The following NTN1 variants were observed in gnomAD, a reference collection of about 807,000 sequenced individuals.
The protein encoded by NTN1 is netrin 1, also known as netrin-1.
A neutral mutation model predicts 54.2 loss-of-function variants in NTN1; 11 were observed. That is an observed-to-expected ratio of 0.20 (90% CI 0.13 to 0.34). The LOEUF (loss-of-function observed/expected upper bound fraction) is 0.34, where lower values mean the gene tolerates loss of function less well. NTN1 is among the 10% of genes least tolerant of loss of function. The pLI is 1.00. For synonymous variants in NTN1, 371 were observed against 382.0 expected (o/e 0.97, Z 0.33); for missense variants, 740 against 893.1 (o/e 0.83, Z 2.18).
chr17:9,175,599 T>C (rs1171216712), intron 3 of NTN1: 1 of 152,216 alleles, frequency 6.6e-6, no homozygotes, highest in Non-Finnish European at 1.5e-5. Context: ...TCCTTACAGG[T>C]GAGCCACCGG....
chr17:9,217,663 C>G (rs1905243629), intron 5 of NTN1, among the ~76,000 whole-genome samples: 1 of 151,940 alleles, frequency 6.6e-6, no homozygotes, highest in African/African-American at 2.4e-5. Flanking sequence ...TGTCCATGTT[C>G]TGAAGGTTAT....
chr17:9,110,416 C>T (rs1253017544), intron 2 of NTN1, among the ~76,000 whole-genome samples: 1 of 152,064 alleles, frequency 6.6e-6, no homozygotes. Flanking sequence ...ATTACAGGCA[C>T]CTGCCACCAT....
chr17:9,151,589 C>A (rs73976416), intron 2 of NTN1, among the ~76,000 whole-genome samples: 4,974 of 152,202 alleles, frequency 0.033, 271 homozygotes, highest in African/African-American at 0.11. Flanking sequence ...GGAGGGTGGA[C>A]AGAAATTCTG....
chr17:9,030,966 C>T (rs2091886762), intron 2 of NTN1, among the ~76,000 whole-genome samples: 1 of 152,162 alleles, frequency 6.6e-6, no homozygotes, highest in Non-Finnish European at 1.5e-5. Context: ...AAGGTCTCAG[C>T]TCGCTGCACA....
chr17:9,088,214 T>A (rs932933929), intron 2 of NTN1, among the ~76,000 whole-genome samples: 2 of 152,248 alleles, frequency 1.3e-5, no homozygotes, highest in Non-Finnish European at 2.9e-5. Flanking sequence ...GAGGGACTTC[T>A]GTGGGTGCCC....
At chr17:9,232,452 G>A (rs57889328) in intron 6 of NTN1, among the ~76,000 whole-genome samples, 11,649 of 150,902 alleles carry the variant, frequency 0.077, 1,335 homozygotes, top group African/African-American at 0.24. Flanking sequence ...TGGCTCTCTA[G>A]GACCTCCAGG....
At chr17:9,036,051 G>T (rs963522268) in intron 2 of NTN1, among the ~76,000 whole-genome samples, 1 of 152,040 alleles carries the variant, frequency 6.6e-6, no homozygotes, top group Non-Finnish European at 1.5e-5. Flanking sequence ...GTAGAGACGG[G>T]GGTCTCACTA....
At chr17:9,191,379 G>C (rs1181709905) in intron 5 of NTN1, among the ~76,000 whole-genome samples, 1 of 152,212 alleles carries the variant, frequency 6.6e-6, no homozygotes, top group East Asian at 1.9e-4. Flanking sequence ...AGAATCGCTT[G>C]AACCTGGGAG....
chr17:9,134,629 T>C (rs2092275566), intron 2 of NTN1, among the ~76,000 whole-genome samples: 1 of 152,212 alleles, frequency 6.6e-6, no homozygotes, highest in African/African-American at 2.4e-5. Flanking sequence ...ACCATGAGAA[T>C]AGACAGTCTT....
intron 2 of NTN1, among the ~76,000 whole-genome samples, chr17:9,111,225 T>C (rs1410762749): frequency 1.3e-5 from 2 of 152,150 alleles, no homozygotes; most frequent in Non-Finnish European, 2.9e-5. Flanking sequence ...CGTGAGCCAC[T>C]GCGCCCTGCC....
chr17:9,005,997 C>T, the NTN1 span, among the ~76,000 whole-genome samples: 59 of 152,326 alleles, frequency 3.9e-4, no homozygotes, highest in African/African-American at 1.4e-3. Context: ...ACAGAGCAGC[C>T]GGCCATAGGG....
chr17:9,074,658 C>T (rs895503138), intron 2 of NTN1, among the ~76,000 whole-genome samples: 1 of 152,204 alleles, frequency 6.6e-6, no homozygotes, highest in African/African-American at 2.4e-5. Context: ...CTTTTACCAG[C>T]CCCGTGGGGA....
At chr17:9,173,328 C>G in intron 3 of NTN1, 1 of 152,268 alleles carries the variant, frequency 6.6e-6, no homozygotes, top group East Asian at 1.9e-4. Flanking sequence ...CACCTCTGTC[C>G]CTGACATCAT....
intron 6 of NTN1, among the ~76,000 whole-genome samples, chr17:9,234,152 C>T (rs939455380): frequency 1.3e-5 from 2 of 152,206 alleles, no homozygotes; most frequent in African/African-American, 4.8e-5. Context: ...AGGTGTGTGC[C>T]CCTGTAGGCA....
intron 2 of NTN1, among the ~76,000 whole-genome samples, chr17:9,139,856 C>T (rs2092292196): frequency 6.6e-6 from 1 of 152,112 alleles, no homozygotes; most frequent in African/African-American, 2.4e-5. Context: ...ATTCATTCAG[C>T]CATCTATCCA....
chr17:9,126,377 G>T (rs1402448636), intron 2 of NTN1, among the ~76,000 whole-genome samples: 2 of 152,226 alleles, frequency 1.3e-5, no homozygotes, highest in African/African-American at 4.8e-5. Context: ...GGGCGTGGTG[G>T]CGCATGCCTG....
At chr17:9,040,358 T>G (rs1567696587) in intron 2 of NTN1, among the ~76,000 whole-genome samples, 1 of 152,232 alleles carries the variant, frequency 6.6e-6, no homozygotes, top group Non-Finnish European at 1.5e-5. Context: ...TATTTATAAT[T>G]TTGATTACTA....
intron 6 of NTN1, among the ~76,000 whole-genome samples, chr17:9,231,088 T>A (rs1010036427): frequency 9.2e-5 from 14 of 152,120 alleles, no homozygotes; most frequent in Admixed American, 3.9e-4. Flanking sequence ...CACAGAGATC[T>A]TCTCCCGACG....
chr17:9,144,819 A>C (rs1319180510), intron 2 of NTN1, among the ~76,000 whole-genome samples: 1 of 152,242 alleles, frequency 6.6e-6, no homozygotes, highest in Non-Finnish European at 1.5e-5. Context: ...CCGCTGTTTC[A>C]GCCTGTTTGC....
Sources: allele counts gnomAD v4.1 joint callset (sites outside exome capture counted in the v4.1 genomes callset), GRCh38; gene constraint gnomAD v4.1.1; transcripts MANE v1.5; gene names NCBI Gene and HGNC (gene_info 2026-07-23, HGNC 2026-07-21).